GNAT3: variants seen among roughly 807,000 people sequenced by gnomAD.
GNAT3 encodes the protein guanine nucleotide-binding protein G(t) subunit alpha-3.
Under a neutral mutation model 37.7 loss-of-function variants are expected in GNAT3, and 31 were observed. The ratio of observed to expected loss-of-function variants is 0.82; its 90% CI spans 0.62 to 1.11. The LOEUF (loss-of-function observed/expected upper bound fraction) is 1.11. GNAT3 is among the 50% of genes most tolerant of loss of function. The pLI is 0.00. For synonymous variants in GNAT3, 138 were observed against 139.8 expected (o/e 0.99, Z 0.09); for missense variants, 437 against 412.5 (o/e 1.06, Z -0.51).
intron 5 of GNAT3, among the ~76,000 whole-genome samples, chr7:80,471,127 G>A (rs937587787): frequency 6.6e-6 from 1 of 150,704 alleles, no homozygotes; most frequent in African/African-American, 2.4e-5. Flanking sequence ...TGTGGTGGCA[G>A]TACCAGCTGA....
At chr7:80,458,945 G>C in intron 7 of GNAT3, 84 bp from the exon 8 acceptor site, 1 of 953,408 alleles carries the variant, frequency 1.0e-6, no homozygotes, top group Non-Finnish European at 1.5e-6. Context: ...CAAATTTTAG[G>C]ATTTTACTTT....
intron 3 of GNAT3, chr7:80,486,400 C>G (rs375063126): frequency 6.6e-6 from 1 of 151,364 alleles, no homozygotes; most frequent in African/African-American, 2.4e-5. Context: ...ATTTTCACTT[C>G]CCCTATATGT....
At chr7:80,461,736 A>G (rs1038862590) in intron 7 of GNAT3, among the ~76,000 whole-genome samples, 3 of 152,170 alleles carry the variant, frequency 2.0e-5, no homozygotes, top group Non-Finnish European at 4.4e-5. Flanking sequence ...TTCATTCTCA[A>G]ATTCATTCAT....
At chr7:80,502,359 T>G (rs1023389574) in intron 1 of GNAT3, among the ~76,000 whole-genome samples, 2 of 152,114 alleles carry the variant, frequency 1.3e-5, no homozygotes, top group African/African-American at 4.8e-5. Context: ...ATATTTCATT[T>G]TTCTTTTCTT....
intron 1 of GNAT3, among the ~76,000 whole-genome samples, chr7:80,495,482 T>G (rs1299687002): frequency 6.6e-6 from 1 of 151,986 alleles, no homozygotes; most frequent in Non-Finnish European, 1.5e-5. Context: ...TTGTTTTTGT[T>G]TTTTTTGAGA....
chr7:80,459,865 T>C (rs1281025370), intron 7 of GNAT3, among the ~76,000 whole-genome samples: 1 of 152,162 alleles, frequency 6.6e-6, no homozygotes, highest in African/African-American at 2.4e-5. Flanking sequence ...TGCATGGAGT[T>C]ATAGGAGTTA....
At chr7:80,497,544 A>ACATATACGTATATG (rs1790739642) in intron 1 of GNAT3, among the ~76,000 whole-genome samples, 2 of 141,408 alleles carry the variant, frequency 1.4e-5, no homozygotes, top group Non-Finnish European at 3.2e-5. Context: ...ATATATATAC[A>ACATATACGTATATG]CATATACGTA....
At chr7:80,467,255 G>T (rs976934873) in intron 5 of GNAT3, among the ~76,000 whole-genome samples, 1 of 152,102 alleles carries the variant, frequency 6.6e-6, no homozygotes, top group Non-Finnish European at 1.5e-5. Context: ...AGATAAAATG[G>T]ATTCTGAAAG....
At chr7:80,492,176 C>CAAAA (rs71079120) in intron 2 of GNAT3, among the ~76,000 whole-genome samples, 3 of 136,330 alleles carry the variant, frequency 2.2e-5, no homozygotes, top group Admixed American at 7.7e-5. Context: ...CTAAAAATAC[C>CAAAA]AAAAAAAAAA....
At chr7:80,467,354 CAT>C (rs1466318929) in intron 5 of GNAT3, among the ~76,000 whole-genome samples, 1 of 152,118 alleles carries the variant, frequency 6.6e-6, no homozygotes, top group Non-Finnish European at 1.5e-5. Context: ...ACGTAGGAGA[CAT>C]AGGTCCAGGG....
At chr7:80,497,616 A>G (rs11977579) in intron 1 of GNAT3, among the ~76,000 whole-genome samples, 1,612 of 117,462 alleles carry the variant, frequency 0.014, 67 homozygotes, top group African/African-American at 0.019. Context: ...ACGTATATAC[A>G]TATACGTATA....
intron 1 of GNAT3, among the ~76,000 whole-genome samples, chr7:80,511,293 G>A (rs1791060299): frequency 6.6e-6 from 1 of 152,042 alleles, no homozygotes; most frequent in African/African-American, 2.4e-5. Flanking sequence ...GTATTCAGGA[G>A]CCTAAGTAAT....
intron 1 of GNAT3, among the ~76,000 whole-genome samples, chr7:80,497,554 ATATACATATACG>A (rs1790740695): frequency 7.2e-6 from 1 of 139,122 alleles, no homozygotes; most frequent in Non-Finnish European, 1.6e-5. Context: ...ACATATACGT[ATATACATATACG>A]TATATACATA....
intron 7 of GNAT3, among the ~76,000 whole-genome samples, chr7:80,459,873 T>A (rs1239206518): frequency 6.6e-5 from 10 of 152,256 alleles, no homozygotes; most frequent in African/African-American, 2.4e-4. Context: ...GTTATAGGAG[T>A]TAATTGCTTG....
At chr7:80,500,780 C>T (rs1256467426) in intron 1 of GNAT3, among the ~76,000 whole-genome samples, 1 of 152,002 alleles carries the variant, frequency 6.6e-6, no homozygotes, top group African/African-American at 2.4e-5. Flanking sequence ...CACCTCCTGA[C>T]ATTCTTTTGA....
intron 1 of GNAT3, among the ~76,000 whole-genome samples, chr7:80,511,421 G>A (rs965289663): frequency 6.6e-6 from 1 of 151,986 alleles, no homozygotes. Flanking sequence ...ACCTATTTCT[G>A]TTTAAACAAA....
At chr7:80,459,760 ATTGT>A (rs1361606945) in intron 7 of GNAT3, among the ~76,000 whole-genome samples, 1 of 152,190 alleles carries the variant, frequency 6.6e-6, no homozygotes, top group Non-Finnish European at 1.5e-5. Context: ...TTCCTACTTT[ATTGT>A]AACTAGAAAC....
chr7:80,465,814 A>T (rs143857576), intron 5 of GNAT3, among the ~76,000 whole-genome samples: 336 of 152,206 alleles, frequency 2.2e-3, no homozygotes, highest in African/African-American at 7.6e-3. Context: ...GAAGATAATC[A>T]CCTAATGCAT....
At chr7:80,472,856 A>G (rs1437604232) in intron 5 of GNAT3, among the ~76,000 whole-genome samples, 1 of 152,184 alleles carries the variant, frequency 6.6e-6, no homozygotes, top group East Asian at 1.9e-4. Flanking sequence ...CTTAACTCCT[A>G]CTGCTAATTA....
Sources: gnomAD v4.1 joint callset for allele counts (sites outside exome capture counted in the v4.1 genomes callset) on GRCh38, gnomAD v4.1.1 for gene constraint, MANE v1.5 for transcripts, NCBI Gene and HGNC (gene_info 2026-07-23, HGNC 2026-07-21) for gene names.